The following TSPAN8 variants were observed in gnomAD, a reference collection of about 807,000 sequenced individuals.
TSPAN8 encodes the protein tetraspanin 8.
Under a neutral mutation model 32.8 loss-of-function variants are expected in TSPAN8, and 21 were observed. The observed-to-expected ratio is 0.64, with a 90% CI of 0.45 to 0.92. The LOEUF (loss-of-function observed/expected upper bound fraction) is 0.92. Among genes scored for constraint, TSPAN8 ranks in the 40% least tolerant of loss-of-function variants. The pLI is 0.00. For missense variants in TSPAN8, 269 were observed against 281.9 expected (o/e 0.95, Z 0.33); for synonymous variants, 95 against 94.6 (o/e 1.00, Z -0.03).
At chr12:71,157,198 G>A (rs905896589) in intron 2 of TSPAN8, 1 of 160,122 alleles carries the variant, frequency 6.2e-6, no homozygotes, top group Non-Finnish European at 1.4e-5. Flanking sequence ...CACACCCTGC[G>A]ATTCACCTGT....
intron 4 of TSPAN8, chr12:71,139,355 G>C: frequency 2.2e-6 from 1 of 450,610 alleles, no homozygotes; most frequent in Non-Finnish European, 4.2e-6. Context: ...TTTGCTTCTG[G>C]GGCCACTCCC....
At chr12:71,141,160 T>C (rs1335498869) in intron 3 of TSPAN8, among the ~76,000 whole-genome samples, 1 of 152,174 alleles carries the variant, frequency 6.6e-6, no homozygotes, top group Non-Finnish European at 1.5e-5. Flanking sequence ...GTTTCCCCAT[T>C]TATAAAAGGG....
At chr12:71,139,913 C>A in intron 3 of TSPAN8, 65 bp from the exon 4 acceptor site, 4 of 1,448,918 alleles carry the variant, frequency 2.8e-6, no homozygotes, top group Non-Finnish European at 3.7e-6. Context: ...GCTCATTCAA[C>A]AAATATCCAT....
chr12:71,127,040 T>C (rs1350928184), intron 8 of TSPAN8, among the ~76,000 whole-genome samples: 1 of 152,102 alleles, frequency 6.6e-6, no homozygotes, highest in Admixed American at 6.6e-5. Flanking sequence ...CATACTAACA[T>C]AAGGTCTAAA....
chr12:71,143,779 A>G (rs1871983455), intron 3 of TSPAN8, among the ~76,000 whole-genome samples: 1 of 152,226 alleles, frequency 6.6e-6, no homozygotes, highest in Non-Finnish European at 1.5e-5. Context: ...ACCTTCTACT[A>G]TAAAAATTAT....
chr12:71,151,789 T>C (rs2137061093), intron 2 of TSPAN8, among the ~76,000 whole-genome samples: 1 of 152,278 alleles, frequency 6.6e-6, no homozygotes, highest in South Asian at 2.1e-4. Flanking sequence ...GCCCACTTAA[T>C]CACCTGGAGG....
At position 71,135,067 on chromosome 12, in the gene TSPAN8, A is replaced by T. The variant is rs149591969; in HGVS notation, c.445-2243T>A. On this transcript the variant is annotated intron_variant, in intron 6 of 8. Coordinates refer to ENST00000247829, the MANE Select transcript of TSPAN8 (RefSeq NM_004616.3). ...ATCCCTGAAATCCAAAGAGAAAGCC[A>T]CTCAGCATCTGTAGCTTTTGTCAAT... Among the ~76,000 whole-genome samples the T allele has an allele frequency of 6.4e-3, 973 of 152,230 alleles. 13 individuals carry two copies. The highest frequency in any genetic ancestry group is 0.022 in the African/African-American group (905 of 41,540).
At chr12:71,129,445 CT>C (rs1871450529) in intron 7 of TSPAN8, 31 bp from the exon 8 acceptor site, 2 of 1,533,548 alleles carry the variant, frequency 1.3e-6, no homozygotes, top group East Asian at 2.3e-5. Flanking sequence ...TAAAAGTTAC[CT>C]CTCAGAAAAA....
At position 71,151,221 on chromosome 12, in the gene TSPAN8, G is replaced by A. The variant is rs193220104; in HGVS notation, c.60+6398C>T. Among the ~76,000 whole-genome samples the A allele has an allele frequency of 5.0e-4, 76 of 151,960 alleles. 3 individuals carry two copies. In the East Asian group the frequency reaches 0.015, roughly 29 times the overall value. Reference sequence around the variant, plus strand: ...TAGGACTACAGGTGTCAGCCACCACGCCCAGCTAATTTTTTGTATTTTTAG... The same window carrying A: ...TAGGACTACAGGTGTCAGCCACCACACCCAGCTAATTTTTTGTATTTTTAG... On this transcript the variant is annotated intron_variant, in intron 2 of 8. Coordinates refer to ENST00000247829, the MANE Select transcript of TSPAN8 (RefSeq NM_004616.3).
intron 4 of TSPAN8, 24 bp downstream of exon 4, chr12:71,139,687 C>T: frequency 6.2e-7 from 1 of 1,611,002 alleles, no homozygotes; most frequent in Non-Finnish European, 8.5e-7. Context: ...AGGTTGGACA[C>T]TGGGATTTGT....
chr12:71,133,582 A>C (rs964567987), intron 6 of TSPAN8, among the ~76,000 whole-genome samples: 11 of 152,174 alleles, frequency 7.2e-5, no homozygotes, highest in African/African-American at 2.7e-4. Context: ...AGATATTGCA[A>C]AGACCCAAAT....
intron 6 of TSPAN8, among the ~76,000 whole-genome samples, chr12:71,136,093 G>GA (rs34529586): frequency 4.9e-4 from 73 of 148,998 alleles, no homozygotes; most frequent in Middle Eastern, 3.5e-3. Context: ...CTCTGAGGGA[G>GA]AAAAAAAAAA....
At position 71,152,227 on chromosome 12, in the gene TSPAN8, G is replaced by C. The variant is rs80099355; in HGVS notation, c.60+5392C>G. On this transcript the variant is annotated intron_variant, in intron 2 of 8. Coordinates refer to ENST00000247829, the MANE Select transcript of TSPAN8 (RefSeq NM_004616.3). ...ACATGTTCCAGAACAAGAAGGGGTA[G>C]ATTCAGGATTGAAATCTCAGTCAGT... is the stretch of plus-strand genomic sequence containing the variant. Among the ~76,000 whole-genome samples the C allele has an allele frequency of 3.0e-4, 46 of 152,300 alleles. No individual in the cohort carries two copies. In the East Asian group the frequency reaches 8.5e-3, roughly 28 times the overall value.
At chr12:71,157,862 C>G in intron 1 of TSPAN8, 68 bp downstream of exon 1, 1 of 571,692 alleles carries the variant, frequency 1.7e-6, no homozygotes, top group South Asian at 2.4e-5. Context: ...AAAAATTAAC[C>G]CACACATTTA....
intron 8 of TSPAN8, among the ~76,000 whole-genome samples, chr12:71,126,761 C>CTT (rs5799020): frequency 1.4e-5 from 2 of 146,790 alleles, no homozygotes; most frequent in East Asian, 4.0e-4. Flanking sequence ...GTGTGTAGCA[C>CTT]TTTTTTTTTT....
chr12:71,143,043 T>C (rs1871955212), intron 3 of TSPAN8, among the ~76,000 whole-genome samples: 1 of 152,136 alleles, frequency 6.6e-6, no homozygotes, highest in Non-Finnish European at 1.5e-5. Context: ...GCTTAATAAA[T>C]CTCTCAGTAA....
chr12:71,132,895 T>C (rs898381030), intron 6 of TSPAN8, 71 bp from the exon 7 acceptor site: 9 of 1,539,240 alleles, frequency 5.8e-6, no homozygotes, highest in African/African-American at 2.8e-5. Flanking sequence ...CATTAAATTA[T>C]AATCTTCTGA....
chr12:71,133,408 A>G (rs1424419697), intron 6 of TSPAN8, among the ~76,000 whole-genome samples: 2 of 152,166 alleles, frequency 1.3e-5, no homozygotes, highest in Non-Finnish European at 2.9e-5. Context: ...TTTAATGACA[A>G]AAGAGAGTCA....
intron 2 of TSPAN8, among the ~76,000 whole-genome samples, chr12:71,152,117 G>A (rs748300853): frequency 1.3e-5 from 2 of 152,150 alleles, no homozygotes; most frequent in African/African-American, 2.4e-5. Context: ...AAATAGCTTA[G>A]TTAATGTTTC....
Sources: gnomAD v4.1 joint callset for allele counts (sites outside exome capture counted in the v4.1 genomes callset) on GRCh38, gnomAD v4.1.1 for gene constraint, MANE v1.5 for transcripts, NCBI Gene and HGNC (gene_info 2026-07-23, HGNC 2026-07-21) for gene names.